Variants in HSPG2 observed in about 807,000 individuals in gnomAD.
HSPG2 encodes the protein heparan sulfate proteoglycan 2, also known as basement membrane-specific heparan sulfate proteoglycan core protein.
HSPG2 carries 278 observed loss-of-function variants against 526.6 expected under a neutral mutation model. The observed-to-expected ratio is 0.53, with a 90% confidence interval of 0.48 to 0.58. The LOEUF (loss-of-function observed/expected upper bound fraction) is 0.58. Among genes scored for constraint, HSPG2 ranks in the 20% least tolerant of loss-of-function variants. HSPG2 has a pLI of 0.00. For missense variants in HSPG2, 5,354 were observed against 6,099.5 expected (o/e 0.88, Z 4.07); for synonymous variants, 2,465 against 2,555.4 (o/e 0.96, Z 1.07).
In HSPG2 at chr1:21,846,189, C is replaced by A. The variant is rs763028665; in HGVS notation, c.8383G>T (p.Val2795Leu). The A allele has an allele frequency of 6.2e-6, 10 of 1,613,000 alleles. No homozygotes were observed. In the African/African-American group the frequency reaches 6.7e-5, roughly 11 times the overall value. Residue 2795 changes from valine to leucine, a missense_variant, in exon 64 of 97, where the codon GTG becomes TTG. Val to Leu is a conservative substitution (Grantham distance 32, BLOSUM62 1). Coordinates refer to ENST00000374695, the MANE Select transcript of HSPG2 (RefSeq NM_005529.7). ...TCCAGGGGGCCAGAGCTGCCCATCA[C>A]CCGGCACACGTATTCACCCGAGTCG... ...PADSGEYVCR[V>L]MGSSGPLEAS...
chr1:21,850,543 C>G (rs571713893), intron 55 of HSPG2, 45 bp from the exon 56 acceptor site: 99 of 1,545,424 alleles, frequency 6.4e-5, no homozygotes, highest in Non-Finnish European at 8.5e-5. Flanking sequence ...CAGGAGACCC[C>G]TGTTCCTATA....
chr1:21,837,917 CAT>C (rs1191999956), intron 74 of HSPG2, among the ~76,000 whole-genome samples: 1 of 151,970 alleles, frequency 6.6e-6, no homozygotes, highest in East Asian at 1.9e-4. Flanking sequence ...GGGTGGATCA[CAT>C]GAGGTCAGGA....
Position 21,831,073 on chromosome 1 carries a change from A to G in HSPG2, c.11580T>C (p.His3860=), listed in dbSNP as rs1334446632. ...ACACGTAGCTGCTGCTCTCAGAGTCATGGCACTGACCGCCATTCTGCAAAG... is the reference window on the plus strand; with the variant it reads ...ACACGTAGCTGCTGCTCTCAGAGTCGTGGCACTGACCGCCATTCTGCAAAG... ...DRPCQNGGQC[H]DSESSSYVCV... The change falls in exon 85 of 97, where the codon CAT becomes CAC. Residue 3860 remains histidine (H), a synonymous_variant. Transcript: ENST00000374695. The G allele has an allele frequency of 1.1e-5, 17 of 1,599,924 alleles. No homozygotes were observed. The highest frequency in any genetic ancestry group is 1.4e-5 in the Non-Finnish European group (17 of 1,173,478).
chr1:21,864,186 C>T lies in HSPG2; in HGVS notation c.4654G>A (p.Gly1552Arg), dbSNP rs746057768. ...QDCAPGYTRTGSGLYLGHCEL... is the reference protein window; with the variant it reads ...QDCAPGYTRTRSGLYLGHCEL... Reference sequence around the variant, plus strand: ...CAGTGGCCGAGGTAGAGCCCACTCCCGGTGCGCGTGTAGCCGGGGGCACAG... The same window carrying T: ...CAGTGGCCGAGGTAGAGCCCACTCCTGGTGCGCGTGTAGCCGGGGGCACAG... The change falls in exon 37 of 97, where the codon GGG becomes AGG. Residue 1552 changes from glycine to arginine, a missense_variant. Coordinates refer to ENST00000374695, the MANE Select transcript of HSPG2 (RefSeq NM_005529.7). The surrounding 1 kb of genome is among the most constrained non-coding windows in gnomAD (Gnocchi z 4.8). 64 of 1,553,560 alleles carry T rather than the reference C, an allele frequency of 4.1e-5. No homozygotes were observed. Among genetic ancestry groups the T allele is most frequent in the African/African-American group, 1.1e-4 (8 of 73,288 alleles).
At chr1:21,856,016 C>T (rs544812600) in intron 44 of HSPG2, 104 bp from the exon 45 acceptor site, 140 of 1,491,642 alleles carry the variant, frequency 9.4e-5, no homozygotes, top group Middle Eastern at 3.7e-4. Flanking sequence ...TAGCCCTCCA[C>T]GGCCATCTGT....
chr1:21,887,547 G>A lies in HSPG2; in HGVS notation c.831C>T (p.Pro277=), dbSNP rs41310388. ...CACAGGGCAGGGGCCTGACGGAACC[G>A]GGAAGCAGGGGCTGAGGAGCGTGGG... is the stretch of plus-strand genomic sequence containing the variant. ...PVTHAPQPLL[P]GSVRPLPCGP... The change falls in exon 8 of 97, where the codon CCC becomes CCT. Residue 277 remains proline, a synonymous_variant. Transcript: ENST00000374695. The surrounding 1 kb of genome is among the most constrained non-coding windows in gnomAD (Gnocchi z 5.0). The A allele has an allele frequency of 0.013, 21,150 of 1,614,116 alleles. 166 individuals carry two copies. The highest frequency in any genetic ancestry group is 0.016 in the Middle Eastern group (95 of 6,042).
Position 21,848,449 on chromosome 1 carries a change from C to T in HSPG2, c.7737+194G>A, listed in dbSNP as rs895030160. Among the ~76,000 whole-genome samples the T allele has an allele frequency of 1.3e-5, 2 of 152,120 alleles. No homozygotes were observed. Among genetic ancestry groups the T allele is most frequent in the Non-Finnish European group, 2.9e-5 (2 of 68,008 alleles). On this transcript the variant is annotated intron_variant, in intron 59 of 96. Transcript: ENST00000374695. This position sits in a 1 kb window ranked among gnomAD's most constrained non-coding sequence, Gnocchi z 4.9. Reference sequence around the variant, plus strand: ...AGCAGCTTTTCAGTGAGATTTGGTGCAGAAGTGGATCTCCCTGAGGTCAGG... The same window carrying T: ...AGCAGCTTTTCAGTGAGATTTGGTGTAGAAGTGGATCTCCCTGAGGTCAGG...
At chr1:21,923,531 T>C (rs949085852) in intron 1 of HSPG2, among the ~76,000 whole-genome samples, 1 of 151,976 alleles carries the variant, frequency 6.6e-6, no homozygotes, top group Non-Finnish European at 1.5e-5. Flanking sequence ...CTGTGGGCCC[T>C]CCCCCTGCCC....
rs373936159 is a variant in HSPG2 at position 21,824,097 on chromosome 1, C to T, written c.12899+24G>A. 4.6e-5 allele frequency: 73 copies of T among 1,604,330 alleles called. 1 individual carries two copies. Among genetic ancestry groups the T allele is most frequent in the African/African-American group, 3.2e-4 (24 of 74,906 alleles). The stretch of plus-strand genomic sequence containing the variant: ...CACTCCAGAACGCTGGGCCCCATCC[C>T]GAGTGCCCGGCAGGGTCCCTTACCG... On this transcript the variant is annotated intron_variant, in intron 95 of 96. Coordinates refer to ENST00000374695, the MANE Select transcript of HSPG2 (RefSeq NM_005529.7). The surrounding 1 kb of genome is among the most constrained non-coding windows in gnomAD (Gnocchi z 5.9).
intron 70 of HSPG2, 88 bp downstream of exon 70, chr1:21,841,451 G>T (rs1261983093): frequency 2.5e-5 from 39 of 1,586,646 alleles, no homozygotes; most frequent in Non-Finnish European, 3.3e-5. Flanking sequence ...AGAGTCAATG[G>T]TGGAAGGAGG....
At chr1:21,916,647 G>A (rs980491907) in intron 1 of HSPG2, among the ~76,000 whole-genome samples, 4 of 150,424 alleles carry the variant, frequency 2.7e-5, no homozygotes, top group Admixed American at 6.6e-5. Flanking sequence ...AGCCGAGATT[G>A]CGCCATTGCA....
At chr1:21,840,541 T>C (rs1044558807) in intron 71 of HSPG2, among the ~76,000 whole-genome samples, 11 of 151,526 alleles carry the variant, frequency 7.3e-5, no homozygotes, top group Admixed American at 3.9e-4. Context: ...CTCCTGACCT[T>C]GTGATCCGCC....
In HSPG2 at chr1:21,852,150, C is replaced by A; in HGVS notation, c.6808G>T (p.Gly2270Trp). The A allele has an allele frequency of 1.2e-6, 2 of 1,613,954 alleles. No homozygotes were observed. Among genetic ancestry groups the A allele is most frequent in the Non-Finnish European group, 1.7e-6 (2 of 1,180,034 alleles). ...CATGTGACCTGGGCGTGGGCCTGCC[C>A]TGCCACCACGCAGCTCAGATCCAGG... ...QTLDLSCVVA[G>W]QAHAQVTWYK... Residue 2270 changes from glycine to tryptophan, a missense_variant, in exon 53 of 97, where the codon GGG becomes TGG. Physicochemically the swap from Gly to Trp is radical, Grantham distance 184. Coordinates refer to ENST00000374695, the MANE Select transcript of HSPG2 (RefSeq NM_005529.7).
intron 1 of HSPG2, among the ~76,000 whole-genome samples, chr1:21,918,608 G>A (rs185805891): frequency 6.8e-4 from 103 of 152,128 alleles, no homozygotes; most frequent in African/African-American, 2.2e-3. Context: ...CCACAAGATC[G>A]GTATTATTAT....
At chr1:21,891,549 G>T (rs973688135) in intron 3 of HSPG2, among the ~76,000 whole-genome samples, 1 of 152,210 alleles carries the variant, frequency 6.6e-6, no homozygotes, top group African/African-American at 2.4e-5. Context: ...TACACAGCGG[G>T]TTCCTTGAAA....
chr1:21,851,709 G>A lies in HSPG2; in HGVS notation c.7007-12C>T, dbSNP rs144322089. 77 of 1,614,000 alleles carry A rather than the reference G, an allele frequency of 4.8e-5. No individual in the cohort carries two copies. In the East Asian group the frequency reaches 1.7e-3, roughly 35 times the overall value. On this transcript the variant is annotated splice_polypyrimidine_tract_variant and intron_variant, in intron 54 of 96. Transcript: ENST00000374695. ...GGTGCTGCCGGCAGCTGAGGGATAA[G>A]ATGGTCACCGGTCACTCCTGTTCTC...
At chr1:21,874,591 T>C in intron 27 of HSPG2, 25 bp downstream of exon 27, 2 of 1,613,244 alleles carry the variant, frequency 1.2e-6, no homozygotes, top group Non-Finnish European at 8.5e-7. Flanking sequence ...ATTGCTGGGG[T>C]GGGCGGAAGG....
chr1:21,883,988 G>T (rs554959467), intron 13 of HSPG2, among the ~76,000 whole-genome samples: 88 of 152,342 alleles, frequency 5.8e-4, no homozygotes, highest in Non-Finnish European at 1.1e-3. Context: ...CCACCCTCAG[G>T]CCAAGGAGAT....
chr1:21,846,689 C>T, intron 62 of HSPG2, 90 bp from the exon 63 acceptor site: 1 of 1,441,600 alleles, frequency 6.9e-7, no homozygotes, highest in Non-Finnish European at 9.7e-7. Flanking sequence ...AAATCTCACC[C>T]CCCAGAGTAA....
Sources: gnomAD v4.1 joint callset for allele counts (sites outside exome capture counted in the v4.1 genomes callset) on GRCh38, gnomAD v4.1.1 for gene constraint, Gnocchi (gnomAD v3.1) non-coding constraint, MANE v1.5 for transcripts, NCBI Gene and HGNC (gene_info 2026-07-23, HGNC 2026-07-21) for gene names.